The following HEPH variants were observed in gnomAD, a reference collection of about 807,000 sequenced individuals.
HEPH encodes the protein hephaestin.
In HEPH, 69 loss-of-function variants were observed where a neutral mutation model predicts 80.8. The observed-to-expected ratio is 0.85, with a 90% CI of 0.70 to 1.04. The LOEUF (loss-of-function observed/expected upper bound fraction) is 1.04. Among genes scored for constraint, HEPH ranks in the 50% least tolerant of loss-of-function variants. HEPH has a pLI of 0.00. For missense variants in HEPH, 1,115 were observed against 891.3 expected (o/e 1.25, Z -3.20); for synonymous variants, 431 against 322.8 (o/e 1.34, Z -3.60).
intron 15 of HEPH, among the ~76,000 whole-genome samples, chrX:66,242,633 C>T (rs1183883549): frequency 8.9e-6 from 1 of 111,863 alleles, no homozygotes; most frequent in Non-Finnish European, 1.9e-5. Context: ...GGTCTAATAT[C>T]CAGAATCTAT....
chrX:66,170,500 G>A, intron 1 of HEPH, 58 bp from the exon 2 acceptor site: 2 of 1,064,808 alleles, frequency 1.9e-6, no homozygotes, highest in South Asian at 2.2e-5. Flanking sequence ...TGGACACGTA[G>A]AAAGCCCCTT....
chrX:66,259,099 A>G, intron 18 of HEPH, 120 bp downstream of exon 18: 1 of 746,094 alleles, frequency 1.3e-6, no homozygotes, highest in East Asian at 3.9e-5. Flanking sequence ...GAGGTCTAGT[A>G]CATGGAGCAC....
chrX:66,214,629 C>CT (rs2089302219), intron 15 of HEPH, among the ~76,000 whole-genome samples: 1 of 111,325 alleles, frequency 9.0e-6, no homozygotes, highest in African/African-American at 3.3e-5. Flanking sequence ...TTATAAGTTT[C>CT]TTTTTTCACA....
At chrX:66,201,574 C>T (rs764317062) in intron 12 of HEPH, among the ~76,000 whole-genome samples, 157 of 111,187 alleles carry the variant, frequency 1.4e-3, no homozygotes, top group African/African-American at 4.8e-3. Context: ...TTTTTTCCAG[C>T]CATTAGATGG....
At chrX:66,234,551 C>G (rs768727112) in intron 15 of HEPH, among the ~76,000 whole-genome samples, 5 of 110,318 alleles carry the variant, frequency 4.5e-5, no homozygotes, top group Admixed American at 9.6e-5. Flanking sequence ...TAAGCATTCC[C>G]TTTTCTCTGC....
chrX:66,198,774 G>T (rs755479970), intron 10 of HEPH, 104 bp from the exon 11 acceptor site: 3 of 636,944 alleles, frequency 4.7e-6, no homozygotes, highest in South Asian at 3.1e-5. Flanking sequence ...AATGGGAAAA[G>T]GAAATGGGAA....
chrX:66,263,632 C>A lies in HEPH; in HGVS notation c.3200-12C>A. ...ATAAGGCTAACCTCTTGTCTTTTTT[C>A]CCCCCAACCAGAACACTTAAGCCCT... On this transcript the variant is annotated splice_polypyrimidine_tract_variant and intron_variant, in intron 19 of 20. Coordinates refer to ENST00000343002, the MANE Select transcript of HEPH (RefSeq NM_001367233.3). 1 of 1,207,831 alleles carries A rather than the reference C, an allele frequency of 8.3e-7. No homozygotes were observed. The highest frequency in any genetic ancestry group is 1.8e-5 in the South Asian group (1 of 56,689).
At chrX:66,203,301 A>G in intron 12 of HEPH, 63 bp from the exon 13 acceptor site, 1 of 1,012,966 alleles carries the variant, frequency 9.9e-7, no homozygotes, top group South Asian at 2.0e-5. Flanking sequence ...GAAAGGCAGG[A>G]AATCCCCCAG....
chrX:66,221,425 G>A (rs993081286), intron 15 of HEPH, among the ~76,000 whole-genome samples: 19 of 112,754 alleles, frequency 1.7e-4, no homozygotes, highest in African/African-American at 6.1e-4. Flanking sequence ...AACCAATAAT[G>A]TCCTTTGGTT....
chrX:66,229,829 G>A (rs1285016716), intron 15 of HEPH, among the ~76,000 whole-genome samples: 3 of 109,642 alleles, frequency 2.7e-5, no homozygotes, highest in Non-Finnish European at 5.7e-5. Context: ...CATTGTGCAG[G>A]TTAGTTACAT....
intron 15 of HEPH, among the ~76,000 whole-genome samples, chrX:66,251,833 A>G (rs928621100): frequency 1.8e-5 from 2 of 112,193 alleles, no homozygotes; most frequent in African/African-American, 6.5e-5. Context: ...GAGTTTGTAG[A>G]TATAAAGAAT....
intron 4 of HEPH, among the ~76,000 whole-genome samples, chrX:66,182,025 T>C (rs2087185595): frequency 9.3e-6 from 1 of 107,807 alleles, no homozygotes; most frequent in African/African-American, 3.4e-5. Context: ...TGCGGCATTA[T>C]TTCTGAGGGC....
chrX:66,190,766 A>T (rs530412226), intron 6 of HEPH, among the ~76,000 whole-genome samples: 1 of 111,569 alleles, frequency 9.0e-6, no homozygotes, highest in Non-Finnish European at 1.9e-5. Flanking sequence ...TAGGATAATA[A>T]ATCTTGGGTG....
At chrX:66,193,209 A>G (rs2087905617) in intron 7 of HEPH, among the ~76,000 whole-genome samples, 1 of 110,631 alleles carries the variant, frequency 9.0e-6, no homozygotes, top group South Asian at 3.8e-4. Flanking sequence ...ATAAGCAAGA[A>G]TATTCCAACT....
chrX:66,261,844 C>T (rs1292672693), intron 19 of HEPH, among the ~76,000 whole-genome samples: 1 of 112,066 alleles, frequency 8.9e-6, no homozygotes, highest in African/African-American at 3.2e-5. Flanking sequence ...TCCCTAGCAC[C>T]CAGATTTACA....
chrX:66,174,963 G>T (rs971526346), intron 4 of HEPH, among the ~76,000 whole-genome samples: 5 of 111,305 alleles, frequency 4.5e-5, no homozygotes, highest in African/African-American at 1.6e-4. Context: ...CCCACTCTAT[G>T]GGTTGTCTGT....
At position 66,267,154 on chromosome X, in the gene HEPH, G is replaced by A. The variant is rs1213698133; in HGVS notation, c.*482G>A. ...AGGCTTGATGGGAAATTGAAGGTAG[G>A]CTGAGTATTGGGAATCCAAATTGAA... On this transcript the variant is annotated 3_prime_UTR_variant, in exon 21 of 21. Transcript: ENST00000343002. 1 of 116,359 alleles carries A rather than the reference G, an allele frequency of 8.6e-6. No individual in the cohort carries two copies. Among genetic ancestry groups the A allele is most frequent in the African/African-American group, 3.2e-5 (1 of 30,806 alleles). The allele number at this position is 116,359 out of a possible 1,213,427, so 9.6% of individuals were successfully genotyped here.
chrX:66,198,576 G>A (rs749922456), intron 10 of HEPH, among the ~76,000 whole-genome samples: 1 of 110,042 alleles, frequency 9.1e-6, no homozygotes, highest in East Asian at 2.9e-4. Context: ...CTCTCCCCAG[G>A]TGATTACCAT....
intron 15 of HEPH, among the ~76,000 whole-genome samples, chrX:66,230,124 C>G (rs1274927535): frequency 3.2e-5 from 3 of 95,214 alleles, no homozygotes; most frequent in African/African-American, 1.2e-4. Context: ...TTTATGGCTG[C>G]ATAGTATTCC....
Sources: allele counts gnomAD v4.1 joint callset (sites outside exome capture counted in the v4.1 genomes callset), GRCh38; gene constraint gnomAD v4.1.1; transcripts MANE v1.5; gene names NCBI Gene and HGNC (gene_info 2026-07-23, HGNC 2026-07-21).